The following MTUS2 variants were observed in gnomAD, a reference collection of about 807,000 sequenced individuals.
The protein encoded by MTUS2 is microtubule associated scaffold protein 2, also known as microtubule-associated tumor suppressor candidate 2.
Under a neutral mutation model 114.1 loss-of-function variants are expected in MTUS2, and 40 were observed. The observed-to-expected ratio is 0.35, with a 90% CI of 0.27 to 0.46. MTUS2 has a LOEUF of 0.46. Among genes scored for constraint, MTUS2 ranks in the 20% least tolerant of loss-of-function variants. MTUS2 has a pLI of 1.00. For missense variants in MTUS2, 1,679 were observed against 1,705.4 expected, an observed-to-expected ratio of 0.98 and a Z score of 0.27; for synonymous variants, 688 against 672.0, an observed-to-expected ratio of 1.02 and a Z score of -0.37.
chr13:29,021,965 G>A (rs1174174577), intron 2 of MTUS2, among the ~76,000 whole-genome samples: 1 of 152,156 alleles, frequency 6.6e-6, no homozygotes, highest in Non-Finnish European at 1.5e-5. Flanking sequence ...GATGGAGAAG[G>A]AGAAAAAGCA....
chr13:29,149,696 A>G (rs1892590343), intron 5 of MTUS2, among the ~76,000 whole-genome samples: 1 of 152,130 alleles, frequency 6.6e-6, no homozygotes, highest in South Asian at 2.1e-4. Context: ...TTATTTTTGT[A>G]TATAGTGTAA....
chr13:28,909,522 A>G (rs190850407), intron 2 of MTUS2, among the ~76,000 whole-genome samples: 2 of 152,222 alleles, frequency 1.3e-5, no homozygotes, highest in African/African-American at 4.8e-5. Flanking sequence ...TATTTATGGG[A>G]TGTATCTGAA....
intron 8 of MTUS2, among the ~76,000 whole-genome samples, chr13:29,389,539 GTGTA>G (rs1436174613): frequency 1.0e-4 from 8 of 77,324 alleles, no homozygotes; most frequent in Non-Finnish European, 1.9e-4. Flanking sequence ...GTATACACGT[GTGTA>G]TATGTATACA....
intron 3 of MTUS2, among the ~76,000 whole-genome samples, chr13:29,029,574 G>T (rs1254030899): frequency 6.6e-6 from 1 of 152,198 alleles, no homozygotes; most frequent in African/African-American, 2.4e-5. Context: ...CAGTCCATTT[G>T]TGTTGCTATG....
At chr13:28,929,401 T>C (rs1416091769) in intron 2 of MTUS2, among the ~76,000 whole-genome samples, 1 of 152,204 alleles carries the variant, frequency 6.6e-6, no homozygotes, top group Non-Finnish European at 1.5e-5. Flanking sequence ...TTACAAATTA[T>C]AAGTATTACA....
At chr13:29,184,084 T>A (rs1241784453) in intron 5 of MTUS2, among the ~76,000 whole-genome samples, 1 of 152,252 alleles carries the variant, frequency 6.6e-6, no homozygotes, top group Non-Finnish European at 1.5e-5. Flanking sequence ...AGTTGCAGGC[T>A]TTACCCCTAA....
intron 5 of MTUS2, among the ~76,000 whole-genome samples, chr13:29,203,313 A>T (rs1166758083): frequency 6.6e-6 from 1 of 152,110 alleles, no homozygotes; most frequent in Non-Finnish European, 1.5e-5. Flanking sequence ...TTACACTGTG[A>T]GGGGAAAACC....
intron 2 of MTUS2, among the ~76,000 whole-genome samples, chr13:28,902,381 A>G (rs73437251): frequency 0.023 from 3,557 of 152,188 alleles, 136 homozygotes; most frequent in African/African-American, 0.08. Context: ...AGAGTGGATC[A>G]CCTTAACTTG....
intron 2 of MTUS2, among the ~76,000 whole-genome samples, chr13:28,841,553 C>CA (rs1307298900): frequency 6.6e-6 from 1 of 152,104 alleles, no homozygotes; most frequent in Non-Finnish European, 1.5e-5. Flanking sequence ...GCTGTGGACA[C>CA]AAAGTATGTG....
chr13:28,846,372 G>A (rs1207400731), intron 2 of MTUS2, among the ~76,000 whole-genome samples: 2 of 152,120 alleles, frequency 1.3e-5, no homozygotes, highest in Non-Finnish European at 1.5e-5. Context: ...GAAAACACTT[G>A]GCTAATTATA....
chr13:29,247,874 T>C (rs917832138), intron 5 of MTUS2, among the ~76,000 whole-genome samples: 1 of 152,240 alleles, frequency 6.6e-6, no homozygotes, highest in African/African-American at 2.4e-5. Context: ...AGATCTACTG[T>C]TTGATCTAGC....
At position 29,290,823 on chromosome 13, in the gene MTUS2, T is replaced by C. The variant is rs1013416739; in HGVS notation, c.2806+8958T>C. Among the ~76,000 whole-genome samples, 7 of 152,300 alleles carry C rather than the reference T, an allele frequency of 4.6e-5. 1 individual carries two copies. Among genetic ancestry groups the C allele is most frequent in the African/African-American group, 1.7e-4 (7 of 41,570 alleles). Reference sequence around the variant, plus strand: ...TTGGCTGAAGTCTCTCTGCCCCATATGTGCAGTCGTGGCTGTTGTACTCAT... The same window carrying C: ...TTGGCTGAAGTCTCTCTGCCCCATACGTGCAGTCGTGGCTGTTGTACTCAT... On this transcript the variant is annotated intron_variant, in intron 6 of 15. Coordinates refer to ENST00000612955, the MANE Select transcript of MTUS2 (RefSeq NM_001033602.4).
intron 5 of MTUS2, among the ~76,000 whole-genome samples, chr13:29,214,663 T>C (rs1329009963): frequency 2.6e-5 from 4 of 152,234 alleles, no homozygotes; most frequent in Non-Finnish European, 5.9e-5. Flanking sequence ...AAAATTCTTT[T>C]CTTTAAGAAT....
At chr13:29,499,874 A>G (rs1321909825) in intron 14 of MTUS2, among the ~76,000 whole-genome samples, 1 of 152,224 alleles carries the variant, frequency 6.6e-6, no homozygotes, top group Non-Finnish European at 1.5e-5. Flanking sequence ...AGACCAGATG[A>G]TGCTGGATTG....
chr13:29,110,072 G>A (rs527448964), intron 5 of MTUS2, among the ~76,000 whole-genome samples: 152 of 152,342 alleles, frequency 1.0e-3, no homozygotes, highest in African/African-American at 3.5e-3. Flanking sequence ...GGAAAATCAT[G>A]ATTTCTTTAT....
At chr13:29,450,342 C>T (rs1035605332) in intron 9 of MTUS2, among the ~76,000 whole-genome samples, 1 of 152,046 alleles carries the variant, frequency 6.6e-6, no homozygotes, top group Non-Finnish European at 1.5e-5. Context: ...TCCTCAATTG[C>T]CTCAACACTT....
intron 9 of MTUS2, among the ~76,000 whole-genome samples, chr13:29,469,423 G>C (rs1293825582): frequency 2.6e-5 from 4 of 152,040 alleles, no homozygotes; most frequent in Admixed American, 2.0e-4. Flanking sequence ...GGTCAGGAGT[G>C]GAGACCATCC....
intron 5 of MTUS2, among the ~76,000 whole-genome samples, chr13:29,109,728 T>G (rs1267003955): frequency 6.6e-6 from 1 of 152,200 alleles, no homozygotes; most frequent in Non-Finnish European, 1.5e-5. Context: ...CCAATAATAA[T>G]GATGTTTCTG....
Position 29,480,309 on chromosome 13 carries a change from T to G in MTUS2, c.3344T>G (p.Leu1115Arg), listed in dbSNP as rs1593494456. The G allele has an allele frequency of 6.4e-7, 1 of 1,556,448 alleles. No individual in the cohort carries two copies. Among genetic ancestry groups the G allele is most frequent in the Non-Finnish European group, 8.7e-7 (1 of 1,150,350 alleles). Reference protein sequence around the residue: ...QLQFEAEMARLQEEHGDQLLS... With the variant: ...QLQFEAEMARRQEEHGDQLLS... ...CAATTCGAGGCGGAAATGGCGCGCCTGCAGGAGGAGCACGGTGACCAGCTG... is the reference window on the plus strand; with the variant it reads ...CAATTCGAGGCGGAAATGGCGCGCCGGCAGGAGGAGCACGGTGACCAGCTG... Residue 1115 changes from leucine to arginine, a missense_variant, in exon 10 of 16, where the codon CTG becomes CGG. By Grantham distance (102) the Leu-to-Arg change is moderately radical. This residue lies in a region of MTUS2 where 822 missense variants were observed against 899.7 expected (regional missense o/e 0.91). Coordinates refer to ENST00000612955, the MANE Select transcript of MTUS2 (RefSeq NM_001033602.4). The surrounding 1 kb of genome is among the most constrained non-coding windows in gnomAD (Gnocchi z 4.4).
Sources: gnomAD v4.1 joint callset for allele counts (sites outside exome capture counted in the v4.1 genomes callset) on GRCh38, gnomAD v4.1.1 for gene constraint, gnomAD v4.1.1 regional missense constraint, Gnocchi (gnomAD v3.1) non-coding constraint, MANE v1.5 for transcripts, NCBI Gene and HGNC (gene_info 2026-07-23, HGNC 2026-07-21) for gene names.